The following AGBL1 variants were observed in gnomAD, a reference collection of about 807,000 sequenced individuals.
AGBL1 encodes the protein cytosolic carboxypeptidase 4.
A neutral mutation model predicts 118.9 loss-of-function variants in AGBL1; 130 were observed. The observed-to-expected ratio is 1.09, with a 90% CI of 0.95 to 1.26. AGBL1 has a LOEUF of 1.26. AGBL1 is among the 50% of genes most tolerant of loss of function. The pLI is 0.00. For missense variants in AGBL1, 1,584 were observed against 1,298.1 expected, an observed-to-expected ratio of 1.22 and a Z score of -3.38; for synonymous variants, 555 against 478.9, an observed-to-expected ratio of 1.16 and a Z score of -2.08.
rs183644722 is a variant in AGBL1, at chr15:86,661,477, G to C, written c.2995-12796G>C. Among the ~76,000 whole-genome samples, 260 of 151,834 alleles carry C rather than the reference G, an allele frequency of 1.7e-3. 1 individual carries two copies. The highest frequency in any genetic ancestry group is 3.1e-3 in the Non-Finnish European group (209 of 67,848). On this transcript the variant is annotated intron_variant, in intron 21 of 22. Transcript: ENST00000614907. The stretch of plus-strand genomic sequence containing the variant: ...AATGGGCTCTCACAATTATTTGCTG[G>C]AGATAATGATGCTAACCCAGTCCAG...
At chr15:86,828,943 C>T (rs949518346) in intron 22 of AGBL1, among the ~76,000 whole-genome samples, 33 of 127,464 alleles carry the variant, frequency 2.6e-4, no homozygotes, top group Non-Finnish European at 3.9e-4. Context: ...TATATATATA[C>T]TGTGTATTTA....
intron 1 of AGBL1, among the ~76,000 whole-genome samples, chr15:86,115,024 C>G (rs1897667638): frequency 6.6e-6 from 1 of 152,192 alleles, no homozygotes; most frequent in African/African-American, 2.4e-5. Context: ...CTGTTCACCA[C>G]TGGGTTATGG....
intron 21 of AGBL1, among the ~76,000 whole-genome samples, chr15:86,646,354 G>C (rs1486046268): frequency 6.6e-6 from 1 of 152,168 alleles, no homozygotes; most frequent in Non-Finnish European, 1.5e-5. Flanking sequence ...CAGGTTTCCT[G>C]AAAATAGGAA....
At chr15:86,102,040 CT>C (rs199502531) in intron 1 of AGBL1, among the ~76,000 whole-genome samples, 2,347 of 141,228 alleles carry the variant, frequency 0.017, 34 homozygotes, top group African/African-American at 0.046. Context: ...CTCTCTCTCT[CT>C]TTTTTTTTTT....
chr15:86,593,857 T>C (rs767053019), intron 21 of AGBL1, among the ~76,000 whole-genome samples: 7 of 152,172 alleles, frequency 4.6e-5, no homozygotes, highest in African/African-American at 7.2e-5. Flanking sequence ...TCATACAATA[T>C]GTGTTCCTGT....
chr15:86,815,677 T>G (rs111281701), intron 22 of AGBL1, among the ~76,000 whole-genome samples: 62 of 152,204 alleles, frequency 4.1e-4, no homozygotes, highest in African/African-American at 1.5e-3. Context: ...GTTTGTGGAC[T>G]GGGAGGAGAT....
At chr15:86,600,793 TAA>T (rs1375034552) in intron 21 of AGBL1, among the ~76,000 whole-genome samples, 1 of 152,010 alleles carries the variant, frequency 6.6e-6, no homozygotes, top group Non-Finnish European at 1.5e-5. Context: ...TCAGAGAATA[TAA>T]AAGAGAGAAA....
chr15:86,146,658 A>G (rs2077037295), intron 3 of AGBL1, among the ~76,000 whole-genome samples: 1 of 152,218 alleles, frequency 6.6e-6, no homozygotes, highest in East Asian at 1.9e-4. Context: ...CCTTGATATT[A>G]CTATTGTAGT....
rs571357854 is a variant in AGBL1 at position 86,476,147 on chromosome 15, C to T, written c.2556-46663C>T. ...AAACGTGCTAAATTGTAAAGACCAT[C>T]GATGCTAGGAAGAAACTGCATCAAC... On this transcript the variant is annotated intron_variant, in intron 18 of 22. Coordinates refer to ENST00000614907, the MANE Select transcript of AGBL1 (RefSeq NM_001386094.1). Among the ~76,000 whole-genome samples, 415 of 152,268 alleles carry T rather than the reference C, an allele frequency of 2.7e-3. 3 individuals are homozygous for T. Among genetic ancestry groups the T allele is most frequent in the Middle Eastern group, 6.8e-3 (2 of 294 alleles).
chr15:86,671,286 A>G (rs2085742149), intron 21 of AGBL1, among the ~76,000 whole-genome samples: 1 of 152,148 alleles, frequency 6.6e-6, no homozygotes, highest in African/African-American at 2.4e-5. Flanking sequence ...AAACAAACAA[A>G]CAGGAGAATG....
At chr15:86,091,188 C>G (rs1205183299) in intron 1 of AGBL1, among the ~76,000 whole-genome samples, 1 of 152,046 alleles carries the variant, frequency 6.6e-6, no homozygotes, top group African/African-American at 2.4e-5. Context: ...TTATTATTTT[C>G]TTGTTATTGT....
intron 22 of AGBL1, among the ~76,000 whole-genome samples, chr15:86,749,385 GC>G (rs2077811613): frequency 1.3e-5 from 2 of 152,116 alleles, no homozygotes; most frequent in African/African-American, 4.8e-5. Context: ...TGCTGAAGTT[GC>G]TTATCAGCTT....
intron 24 of AGBL1, among the ~76,000 whole-genome samples, chr15:86,991,681 A>G (rs1167026459): frequency 6.6e-6 from 1 of 152,116 alleles, no homozygotes; most frequent in African/African-American, 2.4e-5. Context: ...ACACAGGTAG[A>G]GAGGGACAGA....
chr15:86,746,507 A>G (rs2077758862), intron 22 of AGBL1, among the ~76,000 whole-genome samples: 1 of 151,994 alleles, frequency 6.6e-6, no homozygotes, highest in Admixed American at 6.6e-5. Flanking sequence ...TTATCACCCC[A>G]TATTATAATT....
At chr15:87,000,046 T>C (rs1219707507) in intron 24 of AGBL1, among the ~76,000 whole-genome samples, 1,878 of 82,304 alleles carry the variant, frequency 0.023, 39 homozygotes, top group Middle Eastern at 0.058. Flanking sequence ...TGTCTGTTCA[T>C]GTCCTTCGCC....
In AGBL1 at chr15:86,996,505, G is replaced by A. The variant is rs191117676; in HGVS notation, c.3323+8417G>A. ...AGCCATGCTTTATTTGTTCTCATGA[G>A]GTGGGAGGATAGCCTGAGCCTGAGA... On this transcript the variant is annotated intron_variant, in intron 24 of 24. Transcript: ENST00000441037. Among the ~76,000 whole-genome samples, 21 of 152,284 alleles carry A rather than the reference G, an allele frequency of 1.4e-4. 1 individual carries two copies. The highest frequency in any genetic ancestry group is 1.2e-3 in the Admixed American group (19 of 15,288).
chr15:86,886,865 T>C (rs1314451252), intron 22 of AGBL1, among the ~76,000 whole-genome samples: 2 of 152,148 alleles, frequency 1.3e-5, no homozygotes, highest in African/African-American at 4.8e-5. Context: ...ACCATGTAGT[T>C]GAAAACTCAG....
chr15:87,029,623 T>C (rs188852178), downstream of AGBL1, among the ~76,000 whole-genome samples: 31 of 152,090 alleles, frequency 2.0e-4, no homozygotes, highest in African/African-American at 7.2e-4. Context: ...GTCCATTTTA[T>C]AATGAGGAAA....
intron 18 of AGBL1, among the ~76,000 whole-genome samples, chr15:86,430,007 G>A (rs1008416625): frequency 2.6e-5 from 4 of 152,160 alleles, no homozygotes; most frequent in African/African-American, 9.7e-5. Flanking sequence ...CAACATTTTA[G>A]GGTGTCTACA....
Sources: allele counts gnomAD v4.1 joint callset (sites outside exome capture counted in the v4.1 genomes callset), GRCh38; gene constraint gnomAD v4.1.1; transcripts MANE v1.5; gene names NCBI Gene and HGNC (gene_info 2026-07-23, HGNC 2026-07-21).